COG5: variants seen among roughly 807,000 people sequenced by gnomAD.
COG5 encodes the protein conserved oligomeric Golgi complex subunit 5.
A neutral mutation model predicts 110.4 loss-of-function variants in COG5; 86 were observed. That is an observed-to-expected ratio of 0.78 (90% CI 0.65 to 0.93). COG5 has a LOEUF of 0.93. Among genes scored for constraint, COG5 ranks in the 40% least tolerant of loss-of-function variants. The probability of loss-of-function intolerance (pLI) is 0.00; values close to 1 mark genes in which losing one functional copy is unlikely to be tolerated. For synonymous variants in COG5, 360 were observed against 334.6 expected (o/e 1.08, Z -0.83); for missense variants, 1,077 against 987.0 (o/e 1.09, Z -1.22).
At chr7:107,467,846 G>A (rs1178412694) in intron 6 of COG5, among the ~76,000 whole-genome samples, 2 of 152,144 alleles carry the variant, frequency 1.3e-5, no homozygotes, top group Non-Finnish European at 2.9e-5. Context: ...AAAAAAGTTT[G>A]TGATATCTTA....
intron 10 of COG5, among the ~76,000 whole-genome samples, chr7:107,349,376 G>T (rs1342042269): frequency 6.6e-6 from 1 of 152,146 alleles, no homozygotes; most frequent in African/African-American, 2.4e-5. Flanking sequence ...TTTTAGGGGA[G>T]AAGCATTAGG....
chr7:107,487,374 A>AT (rs1174350930), intron 6 of COG5, among the ~76,000 whole-genome samples: 1 of 151,878 alleles, frequency 6.6e-6, no homozygotes, highest in Non-Finnish European at 1.5e-5. Flanking sequence ...ACAATTTTTA[A>AT]TTTTTTTTAA....
intron 21 of COG5, chr7:107,210,201 A>T: frequency 8.5e-7 from 1 of 1,174,430 alleles, no homozygotes; most frequent in Non-Finnish European, 1.1e-6. Flanking sequence ...AAAATGAAGT[A>T]AAAGATGCGG....
intron 6 of COG5, among the ~76,000 whole-genome samples, chr7:107,521,088 C>G (rs947202740): frequency 6.6e-6 from 1 of 152,120 alleles, no homozygotes; most frequent in South Asian, 2.1e-4. Context: ...ACTGGCTAGC[C>G]GTATGCAGAA....
intron 14 of COG5, among the ~76,000 whole-genome samples, chr7:107,267,880 A>C (rs1415210761): frequency 6.6e-6 from 1 of 152,192 alleles, no homozygotes; most frequent in African/African-American, 2.4e-5. Flanking sequence ...ACATAGTGAG[A>C]TCCCCACCTC....
intron 20 of COG5, 27 bp downstream of exon 20, chr7:107,211,072 G>A: frequency 6.2e-7 from 1 of 1,613,220 alleles, no homozygotes; most frequent in Non-Finnish European, 8.5e-7. Flanking sequence ...AGTCACAAAA[G>A]GGTTCTGGCT....
At chr7:107,410,454 G>T (rs1382988346) in intron 7 of COG5, among the ~76,000 whole-genome samples, 1 of 152,112 alleles carries the variant, frequency 6.6e-6, no homozygotes, top group Non-Finnish European at 1.5e-5. Context: ...ATTTTGTTTT[G>T]TTTTTGAGAT....
In COG5 at chr7:107,210,574, T is replaced by C. The variant is rs149616917; in HGVS notation, c.2327A>G (p.Gln776Arg). The C allele has an allele frequency of 4.9e-5, 79 of 1,605,366 alleles. No homozygotes were observed. The East Asian group carries it at 9.4e-4, about 19-fold the overall frequency. ...RAEWSHTRFS[Q>R]WLDDHPSEKD... is the part of the protein sequence containing the mutation. ...TTCAGATGGATGGTCATCCAGCCACTGAGAGAAGCGTGTGTGGGACCACTC... is the reference window on the plus strand; with the variant it reads ...TTCAGATGGATGGTCATCCAGCCACCGAGAGAAGCGTGTGTGGGACCACTC... The change falls in exon 21 of 22, where the codon CAG (glutamine) becomes CGG (arginine). Residue 776 changes from glutamine to arginine, a missense_variant. By Grantham distance (43) the Gln-to-Arg change is conservative. Coordinates refer to ENST00000297135, the MANE Select transcript of COG5 (RefSeq NM_006348.5).
At chr7:107,454,516 C>T (rs1795542549) in intron 6 of COG5, among the ~76,000 whole-genome samples, 1 of 152,104 alleles carries the variant, frequency 6.6e-6, no homozygotes, top group Admixed American at 6.5e-5. Context: ...TATAAATGGA[C>T]TCATCTATAT....
At chr7:107,239,803 A>G (rs1281515235) in intron 17 of COG5, among the ~76,000 whole-genome samples, 1 of 152,144 alleles carries the variant, frequency 6.6e-6, no homozygotes, top group Non-Finnish European at 1.5e-5. Flanking sequence ...TTCTCCTATT[A>G]TTGATGTCTA....
intron 10 of COG5, among the ~76,000 whole-genome samples, chr7:107,342,405 C>T (rs992792268): frequency 6.7e-6 from 1 of 148,732 alleles, no homozygotes; most frequent in African/African-American, 2.5e-5. Context: ...AGGCTGGGTG[C>T]GGTGGCTCAC....
At chr7:107,411,273 T>TTA (rs773128995) in intron 7 of COG5, among the ~76,000 whole-genome samples, 6 of 152,202 alleles carry the variant, frequency 3.9e-5, no homozygotes, top group African/African-American at 7.2e-5. Context: ...AAATGTTTGA[T>TTA]TAATAGAGTT....
chr7:107,256,732 C>T lies in COG5; in HGVS notation c.1749G>A (p.Lys583=), dbSNP rs752355549. 3 of 1,605,066 alleles carry T rather than the reference C, an allele frequency of 1.9e-6. No homozygotes were observed. In the East Asian group the frequency reaches 6.7e-5, roughly 36 times the overall value. The part of the protein sequence containing the change: ...AAEQTIISAL[K]AIHALMENAV... Reference sequence around the variant, plus strand: ...AGAGTCAAAGATTAAATTCTTTTACCTTTAGAGCTGAAATTATAGTTTGCT... The same window carrying T: ...AGAGTCAAAGATTAAATTCTTTTACTTTTAGAGCTGAAATTATAGTTTGCT... The change falls in exon 16 of 22, where the codon AAG becomes AAA. Residue 583 remains lysine (K), a splice_region_variant and synonymous_variant. Coordinates refer to ENST00000297135, the MANE Select transcript of COG5 (RefSeq NM_006348.5).
Position 107,234,593 on chromosome 7 carries a change from C to T in COG5, c.2091+1857G>A, listed in dbSNP as rs529085932. On this transcript the variant is annotated intron_variant, in intron 18 of 21. Coordinates refer to ENST00000297135, the MANE Select transcript of COG5 (RefSeq NM_006348.5). Reference sequence around the variant, plus strand: ...ACTCTCGTTTTGGCCATCTCCTGCTCGGCTGCCACTCTAATTGGACTTGAA... The same window carrying T: ...ACTCTCGTTTTGGCCATCTCCTGCTTGGCTGCCACTCTAATTGGACTTGAA... Among the ~76,000 whole-genome samples the T allele has an allele frequency of 1.8e-4, 28 of 152,194 alleles. No homozygotes were observed. The East Asian group carries it at 4.8e-3, about 26-fold the overall frequency.
intron 10 of COG5, among the ~76,000 whole-genome samples, chr7:107,351,552 C>T (rs1016607068): frequency 1.4e-4 from 22 of 152,194 alleles, no homozygotes; most frequent in African/African-American, 5.1e-4. Context: ...ATTTTTGCAA[C>T]CTACTCATCT....
At position 107,412,587 on chromosome 7, in the gene COG5, T is replaced by C; in HGVS notation, c.584A>G (p.Glu195Gly). ...GIDLSGIEVI[E>G]NDLLFIARAR... ...TCTTGCAATAAAAAGTAGATCATTT[T>C]CTATCACTTCTATTCCAGAAAGATC... Residue 195 changes from glutamate to glycine, a missense_variant, in exon 7 of 22, where the codon GAA becomes GGA. Physicochemically the swap from Glu to Gly is moderately conservative, Grantham distance 98. Coordinates refer to ENST00000297135, the MANE Select transcript of COG5 (RefSeq NM_006348.5). 1 of 1,585,250 alleles carries C rather than the reference T, an allele frequency of 6.3e-7. No individual in the cohort carries two copies. The highest frequency in any genetic ancestry group is 8.7e-7 in the Non-Finnish European group (1 of 1,154,496).
At chr7:107,299,890 ATATG>A (rs1040179496) in intron 11 of COG5, among the ~76,000 whole-genome samples, 19 of 146,282 alleles carry the variant, frequency 1.3e-4, no homozygotes, top group African/African-American at 4.7e-4. Context: ...ATATATATAT[ATATG>A]GAATTACATA....
intron 3 of COG5, among the ~76,000 whole-genome samples, chr7:107,550,067 C>A (rs1443709520): frequency 6.6e-6 from 1 of 151,950 alleles, no homozygotes; most frequent in Non-Finnish European, 1.5e-5. Flanking sequence ...ACAGTTTATG[C>A]CCTACCCCCC....
At chr7:107,476,383 A>G (rs1796998656) in intron 6 of COG5, among the ~76,000 whole-genome samples, 1 of 151,394 alleles carries the variant, frequency 6.6e-6, no homozygotes, top group Admixed American at 6.6e-5. Flanking sequence ...TTAGGGTAAT[A>G]CACTTTATAC....
Sources: gnomAD v4.1 joint callset for allele counts (sites outside exome capture counted in the v4.1 genomes callset) on GRCh38, gnomAD v4.1.1 for gene constraint, MANE v1.5 for transcripts, NCBI Gene and HGNC (gene_info 2026-07-23, HGNC 2026-07-21) for gene names.